The following TMEM44 variants were observed in gnomAD, a reference collection of about 807,000 sequenced individuals.
The protein encoded by TMEM44 is transmembrane protein 44.
Under a neutral mutation model 47.8 loss-of-function variants are expected in TMEM44, and 43 were observed. That is an observed-to-expected ratio of 0.90 (90% CI 0.70 to 1.16). The LOEUF (loss-of-function observed/expected upper bound fraction) is 1.16, where lower values mean the gene tolerates loss of function less well. Ranked by LOEUF, TMEM44 falls within the 50% of genes most tolerant of loss-of-function variation. The pLI, the probability that TMEM44 is intolerant of heterozygous loss-of-function variation, is 0.00. For synonymous variants in TMEM44, 277 were observed against 238.8 expected (o/e 1.16, Z -1.48); for missense variants, 568 against 555.2 (o/e 1.02, Z -0.23).
At chr3:194,599,164 T>C (rs532206688) in intron 9 of TMEM44, among the ~76,000 whole-genome samples, 2 of 152,356 alleles carry the variant, frequency 1.3e-5, no homozygotes, top group East Asian at 1.9e-4. Context: ...ATCAATCTTA[T>C]GCTCTGTCTC....
intron 5 of TMEM44, among the ~76,000 whole-genome samples, chr3:194,621,608 C>T (rs1231335735): frequency 6.6e-6 from 1 of 152,216 alleles, no homozygotes; most frequent in African/African-American, 2.4e-5. Context: ...CTGGCAGTCA[C>T]AGCACAGAAT....
At chr3:194,603,102 C>T (rs1714339265) in intron 9 of TMEM44, among the ~76,000 whole-genome samples, 1 of 152,192 alleles carries the variant, frequency 6.6e-6, no homozygotes, top group Non-Finnish European at 1.5e-5. Context: ...CCTTGTGGTT[C>T]TCATTTTTCC....
chr3:194,590,060 T>C (rs1239673234), intron 9 of TMEM44: 1 of 152,214 alleles, frequency 6.6e-6, no homozygotes, highest in African/African-American at 2.4e-5. Context: ...GGCATGGACA[T>C]GCTCTCCAAG....
At chr3:194,602,095 T>C (rs1432590503) in intron 9 of TMEM44, among the ~76,000 whole-genome samples, 1 of 152,204 alleles carries the variant, frequency 6.6e-6, no homozygotes, top group Non-Finnish European at 1.5e-5. Context: ...CCACGTGCCT[T>C]GGGTACCCTA....
chr3:194,624,724 TC>T (rs201890934), intron 3 of TMEM44, among the ~76,000 whole-genome samples: 55 of 118,804 alleles, frequency 4.6e-4, no homozygotes, highest in South Asian at 1.9e-3. Context: ...ACTTGGTTCA[TC>T]CCCTTTTTTT....
chr3:194,589,033 G>A (rs1712235675), intron 9 of TMEM44: 2 of 227,810 alleles, frequency 8.8e-6, no homozygotes, highest in East Asian at 1.3e-4. Flanking sequence ...AGGGTCTTGC[G>A]GTGTCACCCA....
Position 194,588,050 on chromosome 3 carries a change from C to T in TMEM44, c.*479G>A, listed in dbSNP as rs73195023. Reference sequence around the variant, plus strand: ...TGACTGGGGGGTGGAAGCCAGGTCTCGGTTCCTGTGTGTGACCCAAGGCCC... The same window carrying T: ...TGACTGGGGGGTGGAAGCCAGGTCTTGGTTCCTGTGTGTGACCCAAGGCCC... On this transcript the variant is annotated 3_prime_UTR_variant, in exon 10 of 10. Transcript: ENST00000347147. 0.026 allele frequency: 4,033 copies of T among 153,908 alleles called. 66 individuals are homozygous for T. The highest frequency in any genetic ancestry group is 0.04 in the African/African-American group (1,674 of 41,574). 9.5% of individuals were successfully genotyped at this position (153,908 alleles called of 1,614,324 possible).
intron 3 of TMEM44, among the ~76,000 whole-genome samples, chr3:194,625,259 C>A (rs1262388735): frequency 1.3e-5 from 2 of 152,194 alleles, no homozygotes; most frequent in African/African-American, 4.8e-5. Flanking sequence ...CTCCACACCT[C>A]CTCCTAGCCT....
chr3:194,619,522 C>A (rs191265057), intron 5 of TMEM44, among the ~76,000 whole-genome samples: 1 of 152,222 alleles, frequency 6.6e-6, no homozygotes, highest in Non-Finnish European at 1.5e-5. Flanking sequence ...GTCAGCACAA[C>A]GCTTCACTCA....
Position 194,610,905 on chromosome 3 carries a change from T to A in TMEM44, c.1017+11A>T, listed in dbSNP as rs1304294616. 6 of 1,611,504 alleles carry A rather than the reference T, an allele frequency of 3.7e-6. No homozygotes were observed. Among genetic ancestry groups the A allele is most frequent in the Non-Finnish European group, 5.1e-6 (6 of 1,178,686 alleles). ...CTCTCAGACACCTGGCCATGACCGA[T>A]GGCCACTCACCTGCTGCACAGGCTC... On this transcript the variant is annotated intron_variant, in intron 8 of 9. Coordinates refer to ENST00000347147, the MANE Select transcript of TMEM44 (RefSeq NM_001011655.3).
chr3:194,601,294 C>T (rs998968022), intron 9 of TMEM44, among the ~76,000 whole-genome samples: 8 of 151,648 alleles, frequency 5.3e-5, no homozygotes, highest in Admixed American at 3.9e-4. Context: ...CCCGCCACCA[C>T]GCCTGGCTAA....
intron 7 of TMEM44, 91 bp downstream of exon 7, chr3:194,615,478 C>T (rs909776524): frequency 1.3e-6 from 2 of 1,515,478 alleles, no homozygotes; most frequent in East Asian, 2.3e-5. Context: ...GCAGCTTTCA[C>T]ACGTCCGTCC....
chr3:194,617,298 G>A, intron 5 of TMEM44, 29 bp from the exon 6 acceptor site: 1 of 1,468,822 alleles, frequency 6.8e-7, no homozygotes, highest in Non-Finnish European at 9.1e-7. Context: ...GGGCTGGGCG[G>A]GAGAAGCAGC....
rs529914817 is a variant in TMEM44, at chr3:194,599,741, C to T, written c.1176+4546G>A. Reference sequence around the variant, plus strand: ...CTGGGATTACAGGCACGTGCCACTGCGCCTGGCTAATTTTTGTTTCTTGGG... The same window carrying T: ...CTGGGATTACAGGCACGTGCCACTGTGCCTGGCTAATTTTTGTTTCTTGGG... On this transcript the variant is annotated intron_variant, in intron 9 of 9. Transcript: ENST00000347147. Among the ~76,000 whole-genome samples, 43 of 148,368 alleles carry T rather than the reference C, an allele frequency of 2.9e-4. No individual in the cohort carries two copies. In the East Asian group the frequency reaches 7.7e-3, roughly 27 times the overall value.
chr3:194,595,921 G>A (rs953032507), intron 9 of TMEM44, among the ~76,000 whole-genome samples: 5 of 152,044 alleles, frequency 3.3e-5, no homozygotes, highest in South Asian at 2.1e-4. Context: ...CACCGCACCC[G>A]GCTGATGGTC....
chr3:194,606,242 G>A (rs1402901941), intron 8 of TMEM44, among the ~76,000 whole-genome samples: 10 of 152,156 alleles, frequency 6.6e-5, no homozygotes, highest in Admixed American at 2.0e-4. Flanking sequence ...GAACCACAGT[G>A]CTGCTCCCGC....
intron 7 of TMEM44, among the ~76,000 whole-genome samples, chr3:194,614,265 ATT>A (rs1238618583): frequency 8.5e-5 from 13 of 152,328 alleles, no homozygotes; most frequent in African/African-American, 2.2e-4. Context: ...TCACAAGCCG[ATT>A]TCCAAAGGCT....
At position 194,623,314 on chromosome 3, in the gene TMEM44, C is replaced by A. The variant is rs749242511; in HGVS notation, c.526-4G>T. 8.1e-6 allele frequency: 13 copies of A among 1,600,162 alleles called. 1 individual carries two copies. The South Asian group carries it at 1.4e-4, about 17-fold the overall frequency. On this transcript the variant is annotated splice_polypyrimidine_tract_variant and splice_region_variant and intron_variant, in intron 4 of 9. Transcript: ENST00000347147. ...AGCCGAGGATCTCAGTATTTTCCTG[C>A]AAGAACGAACAGGTGATCCACCATC...
chr3:194,598,799 C>T (rs1009026137), intron 9 of TMEM44, among the ~76,000 whole-genome samples: 2 of 152,196 alleles, frequency 1.3e-5, no homozygotes, highest in South Asian at 2.1e-4. Context: ...AAACCACCAC[C>T]GCATCCCAGA....
Sources: allele counts gnomAD v4.1 joint callset (sites outside exome capture counted in the v4.1 genomes callset), GRCh38; gene constraint gnomAD v4.1.1; transcripts MANE v1.5; gene names NCBI Gene and HGNC (gene_info 2026-07-23, HGNC 2026-07-21).